Variants in TMEM242 observed in about 807,000 individuals in gnomAD.
TMEM242 encodes transmembrane protein 242.
A neutral mutation model predicts 18.2 loss-of-function variants in TMEM242; 10 were observed. That is an observed-to-expected ratio of 0.55 (90% CI 0.34 to 0.93). The LOEUF is 0.93. Ranked by LOEUF, TMEM242 falls within the 40% of genes least tolerant of loss-of-function variation. The pLI is 0.02. For synonymous variants in TMEM242, 57 were observed against 69.9 expected, an observed-to-expected ratio of 0.81 and a Z score of 0.92; for missense variants, 186 against 175.5, an observed-to-expected ratio of 1.06 and a Z score of -0.34.
intron 3 of TMEM242, among the ~76,000 whole-genome samples, chr6:157,300,371 A>G (rs193189609): frequency 7.0e-4 from 107 of 152,392 alleles, no homozygotes; most frequent in African/African-American, 2.4e-3. Flanking sequence ...AGTTAGTTTT[A>G]CAAAGAGTAT....
At chr6:157,310,851 CACTCACCTA>C (rs1554248480) in intron 3 of TMEM242, among the ~76,000 whole-genome samples, 3 of 145,404 alleles carry the variant, frequency 2.1e-5, no homozygotes, top group South Asian at 2.2e-4. Flanking sequence ...TCCCAGTGTG[CACTCACCTA>C]GCCTCATCAT....
At chr6:157,321,671 C>G (rs1298502948) in intron 2 of TMEM242, among the ~76,000 whole-genome samples, 1 of 152,152 alleles carries the variant, frequency 6.6e-6, no homozygotes, top group Non-Finnish European at 1.5e-5. Flanking sequence ...GATCAAATCT[C>G]AGAATAACAA....
Position 157,323,470 on chromosome 6 carries a change from C to G in TMEM242, c.30G>C (p.Gln10His). 4.3e-6 allele frequency: 7 copies of G among 1,614,036 alleles called. No individual in the cohort carries two copies. The highest frequency in any genetic ancestry group is 5.9e-6 in the Non-Finnish European group (7 of 1,179,948). METAGAATG[Q>H]PASGLEAPGS... is the part of the protein sequence containing the mutation. ...CCGGAGCCTCCAGCCCAGAGGCCGG[C>G]TGCCCAGTTGCAGCGCCCGCTGTCT... The change falls in exon 1 of 4, where the codon CAG (glutamine) becomes CAC (histidine). Residue 10 changes from glutamine (Q) to histidine (H), a missense_variant. By Grantham distance (24) the Gln-to-His change is conservative. Coordinates refer to ENST00000400788, the MANE Select transcript of TMEM242 (RefSeq NM_018452.6).
intron 3 of TMEM242, among the ~76,000 whole-genome samples, chr6:157,311,482 G>C (rs1453273074): frequency 8.3e-6 from 1 of 120,456 alleles, no homozygotes; most frequent in African/African-American, 3.2e-5. Context: ...TAGTGCCCCA[G>C]TGAGCACTCA....
At chr6:157,304,679 C>T (rs587710245) in intron 3 of TMEM242, among the ~76,000 whole-genome samples, 11 of 152,120 alleles carry the variant, frequency 7.2e-5, no homozygotes, top group Non-Finnish European at 1.5e-4. Flanking sequence ...ACTGATAAAA[C>T]AAGACAATGG....
At position 157,310,554 on chromosome 6, in the gene TMEM242, A is replaced by G. The variant is rs797041240; in HGVS notation, c.327+8228T>C. 0.011 allele frequency among the ~76,000 whole-genome samples: 67 copies of G among 5,996 alleles called. No individual in the cohort carries two copies. The East Asian group carries it at 0.15, about 14-fold the overall frequency. The allele number at this position is 5,996 out of a possible 152,430, so 3.9% of individuals were successfully genotyped here. A position where few individuals can be genotyped will look rare whatever the true frequency, so the allele number is the denominator to read the frequency against. Reference sequence around the variant, plus strand: ...ATGGTATCCCAGTGTGCGCTCACCTAGCCTCATCATAGTGCCCCAGTGTGC... The same window carrying G: ...ATGGTATCCCAGTGTGCGCTCACCTGGCCTCATCATAGTGCCCCAGTGTGC... On this transcript the variant is annotated intron_variant, in intron 3 of 3. Transcript: ENST00000400788.
At chr6:157,311,319 T>G (rs62425565) in intron 3 of TMEM242, among the ~76,000 whole-genome samples, 2 of 56,988 alleles carry the variant, frequency 3.5e-5, no homozygotes, top group Non-Finnish European at 7.9e-5. Flanking sequence ...CCAGTGTGTG[T>G]TCACCTAGCC....
chr6:157,312,969 T>A (rs62425598), intron 3 of TMEM242, among the ~76,000 whole-genome samples: 3 of 3,374 alleles, frequency 8.9e-4, no homozygotes, highest in Non-Finnish European at 1.8e-3. Context: ...TCATAGTGCC[T>A]CAGTGTGCGC....
intron 3 of TMEM242, among the ~76,000 whole-genome samples, chr6:157,313,361 G>C (rs1554249724): frequency 4.4e-5 from 6 of 135,184 alleles, no homozygotes; most frequent in African/African-American, 1.1e-4. Context: ...CGCTCACCTG[G>C]CCTCATCATA....
At chr6:157,299,933 A>T in intron 3 of TMEM242, 3 of 1,606,398 alleles carry the variant, frequency 1.9e-6, no homozygotes, top group Non-Finnish European at 2.6e-6. Context: ...TCCAGTTCCT[A>T]TGATGGAGAC....
Position 157,292,932 on chromosome 6 carries a change from A to G in TMEM242, c.395T>C (p.Val132Ala). Residue 132 changes from valine (V) to alanine (A), a missense_variant, in exon 4 of 4, where the codon GTT becomes GCT. Physicochemically the swap from Val to Ala is moderately conservative, Grantham distance 64. Transcript: ENST00000400788. ...PTIPKNSESA[V>A]EWEETLKSK ...GGATTTCAATGTTTCCTCCCACTCA[A>G]CAGCCGATTCGGAGTTCTTGGGAAT... The G allele has an allele frequency of 6.2e-7, 1 of 1,613,606 alleles. No individual in the cohort carries two copies. Among genetic ancestry groups the G allele is most frequent in the Non-Finnish European group, 8.5e-7 (1 of 1,179,666 alleles).
At chr6:157,322,890 G>A (rs1778518191) in intron 1 of TMEM242, 85 bp from the exon 2 acceptor site, 2 of 1,117,852 alleles carry the variant, frequency 1.8e-6, no homozygotes, top group African/African-American at 1.6e-5. Flanking sequence ...GTAAGTTTAA[G>A]ATACTATTCG....
intron 3 of TMEM242, chr6:157,299,343 C>T: frequency 1.0e-6 from 1 of 970,712 alleles, no homozygotes; most frequent in Non-Finnish European, 1.7e-6. Flanking sequence ...TGTTCAGGAT[C>T]TTTATCAGTT....
chr6:157,296,320 T>C (rs782392557), intron 3 of TMEM242, among the ~76,000 whole-genome samples: 28 of 152,194 alleles, frequency 1.8e-4, no homozygotes, highest in Admixed American at 1.5e-3. Context: ...TTTCCTATAC[T>C]ATGGATAACA....
intron 3 of TMEM242, chr6:157,299,841 T>C (rs1350176649): frequency 2.5e-6 from 4 of 1,611,830 alleles, no homozygotes; most frequent in Non-Finnish European, 1.7e-6. Context: ...CCCTTCAGTT[T>C]GCCTTCATCA....
intron 3 of TMEM242, among the ~76,000 whole-genome samples, chr6:157,311,012 A>T (rs372071373): frequency 3.2e-3 from 2 of 616 alleles, no homozygotes; most frequent in Non-Finnish European, 5.3e-3. Flanking sequence ...CCCAGTGTGC[A>T]GTCACCTAGC....
chr6:157,310,629 T>C (rs1778003779), intron 3 of TMEM242, among the ~76,000 whole-genome samples: 1 of 151,934 alleles, frequency 6.6e-6, no homozygotes, highest in Non-Finnish European at 1.5e-5. Context: ...CCTAGCCTCA[T>C]CATAGTGTCC....
Position 157,305,656 on chromosome 6 carries a change from T to TA in TMEM242, c.328-12658dup, listed in dbSNP as rs1335689109. 6.6e-6 allele frequency among the ~76,000 whole-genome samples: 1 copy of TA among 152,020 alleles called. No homozygotes were observed. The highest frequency in any genetic ancestry group is 1.9e-4 in the East Asian group (1 of 5,178). On this transcript the variant is annotated intron_variant, in intron 3 of 3. Transcript: ENST00000400788. The surrounding 1 kb of genome is among the most constrained non-coding windows in gnomAD (Gnocchi z 4.1). ...AGTAGGAGCTACTGGACACTGATGT[T>TA]AAGAGGCTGGCCAGGGGAGGGGTTG...
In TMEM242 at chr6:157,304,532, T is replaced by C. The variant is rs1168075850; in HGVS notation, c.328-11533A>G. Among the ~76,000 whole-genome samples, 3 of 144,566 alleles carry C rather than the reference T, an allele frequency of 2.1e-5. No individual in the cohort carries two copies. In the East Asian group the frequency reaches 6.1e-4, roughly 30 times the overall value. 94.8% of individuals were successfully genotyped at this position (144,566 alleles called of 152,430 possible). On this transcript the variant is annotated intron_variant, in intron 3 of 3. Transcript: ENST00000400788. ...TGCCACTGAAATGAAATGGTAGAAGTGATGTGATCAGATTGCATTCAATAA... is the reference window on the plus strand; with the variant it reads ...TGCCACTGAAATGAAATGGTAGAAGCGATGTGATCAGATTGCATTCAATAA...
Sources: allele counts gnomAD v4.1 joint callset (sites outside exome capture counted in the v4.1 genomes callset), GRCh38; gene constraint gnomAD v4.1.1; non-coding constraint Gnocchi (gnomAD v3.1); transcripts MANE v1.5; gene names NCBI Gene and HGNC (gene_info 2026-07-23, HGNC 2026-07-21).